FCRL1: variants seen among roughly 807,000 people sequenced by gnomAD.
FCRL1 encodes Fc receptor like 1.
A neutral mutation model predicts 49.2 loss-of-function variants in FCRL1; 34 were observed. That is an observed-to-expected ratio of 0.69 (90% CI 0.53 to 0.92). The LOEUF is 0.92. FCRL1 is among the 40% of genes least tolerant of loss of function. FCRL1 has a pLI of 0.00. For synonymous variants in FCRL1, 218 were observed against 201.6 expected, an observed-to-expected ratio of 1.08 and a Z score of -0.69; for missense variants, 524 against 524.1, an observed-to-expected ratio of 1.00 and a Z score of 0.00.
chr1:157,800,540 A>T (rs1486112492), intron 6 of FCRL1, among the ~76,000 whole-genome samples: 1 of 152,228 alleles, frequency 6.6e-6, no homozygotes, highest in Non-Finnish European at 1.5e-5. Flanking sequence ...CAACTTCCTC[A>T]GTGAAGAGAA....
At chr1:157,812,254 G>A (rs1654431619) in intron 1 of FCRL1, among the ~76,000 whole-genome samples, 1 of 152,164 alleles carries the variant, frequency 6.6e-6, no homozygotes, top group African/African-American at 2.4e-5. Context: ...CATTTCCTTG[G>A]TGTGATGGTG....
intron 1 of FCRL1, among the ~76,000 whole-genome samples, chr1:157,816,308 G>T (rs1022809507): frequency 2.0e-5 from 3 of 151,796 alleles, no homozygotes; most frequent in Non-Finnish European, 3.0e-5. Flanking sequence ...CAGATCAATA[G>T]AAATGATACA....
chr1:157,815,836 A>C (rs1407773104), intron 1 of FCRL1, among the ~76,000 whole-genome samples: 1 of 151,884 alleles, frequency 6.6e-6, no homozygotes, highest in Non-Finnish European at 1.5e-5. Context: ...TTATATGCAA[A>C]CAAGTTGGTA....
At chr1:157,797,635 A>G in intron 9 of FCRL1, 2 of 1,080,262 alleles carry the variant, frequency 1.9e-6, no homozygotes, top group South Asian at 1.4e-5. Context: ...CTAAGTGACT[A>G]TAATTTAAGA....
chr1:157,815,598 A>G (rs191183512), intron 1 of FCRL1, among the ~76,000 whole-genome samples: 3 of 152,066 alleles, frequency 2.0e-5, no homozygotes, highest in Admixed American at 2.0e-4. Flanking sequence ...GAAGGAAACA[A>G]TAAAGACTGT....
In FCRL1 at chr1:157,806,415, A is replaced by G. The variant is rs1327258325; in HGVS notation, c.52+687T>C. ...CACAAGATAGCAATTTTTACATTTT[A>G]TCATTGAGCTTGATCTAGTGAAGAG... On this transcript the variant is annotated intron_variant, in intron 2 of 10. Transcript: ENST00000368176. 2.6e-5 allele frequency among the ~76,000 whole-genome samples: 4 copies of G among 152,160 alleles called. No individual in the cohort carries two copies. In the East Asian group the frequency reaches 5.8e-4, roughly 22 times the overall value.
chr1:157,807,606 A>G (rs768948899), intron 1 of FCRL1, among the ~76,000 whole-genome samples: 24 of 152,224 alleles, frequency 1.6e-4, no homozygotes, highest in Non-Finnish European at 3.1e-4. Flanking sequence ...GAGAGTGCAC[A>G]GCCTCATACT....
intron 7 of FCRL1, among the ~76,000 whole-genome samples, chr1:157,799,033 C>T (rs1449374228): frequency 6.6e-6 from 1 of 152,136 alleles, no homozygotes; most frequent in Admixed American, 6.5e-5. Flanking sequence ...CAGAGTCTTG[C>T]TCTGTCACCC....
chr1:157,804,633 C>G (rs995599633), intron 2 of FCRL1, among the ~76,000 whole-genome samples: 3 of 152,098 alleles, frequency 2.0e-5, no homozygotes, highest in African/African-American at 7.2e-5. Context: ...CCAGGAAAGA[C>G]GTAGAAGAAC....
intron 9 of FCRL1, 101 bp downstream of exon 9, chr1:157,797,767 G>A: frequency 6.2e-7 from 1 of 1,601,032 alleles, no homozygotes; most frequent in Non-Finnish European, 8.5e-7. Context: ...ACAGCCTTCT[G>A]CTCTGAGGAA....
intron 7 of FCRL1, 150 bp downstream of exon 7, chr1:157,799,908 A>G (rs537768287): frequency 9.0e-5 from 41 of 457,260 alleles, no homozygotes; most frequent in Non-Finnish European, 1.5e-4. Flanking sequence ...GTGACAATGA[A>G]TTGTTCAAAG....
At chr1:157,805,308 C>G (rs1023537813) in intron 2 of FCRL1, among the ~76,000 whole-genome samples, 2 of 152,208 alleles carry the variant, frequency 1.3e-5, no homozygotes, top group African/African-American at 4.8e-5. Context: ...GCCTCTGCCC[C>G]TTGAAAAATA....
chr1:157,801,547 G>T lies in FCRL1; in HGVS notation c.917C>A (p.Thr306Asn), dbSNP rs1208410699. The T allele has an allele frequency of 6.2e-7, 1 of 1,613,808 alleles. No homozygotes were observed. Among genetic ancestry groups the T allele is most frequent in the Non-Finnish European group, 8.5e-7 (1 of 1,179,912 alleles). ...GAGCAGCCCCTCAATGACTCCTGAG[G>T]TAAGATGATTGCTTCTGGCCCCAGT... ...VPTGARSNHL[T>N]SGVIEGLLST... is the part of the protein sequence containing the mutation. The change falls in exon 6 of 11, where the codon ACC (threonine) becomes AAC (asparagine). Residue 306 changes from threonine (T) to asparagine (N), a missense_variant. Physicochemically the swap from Thr to Asn is moderately conservative, Grantham distance 65. Coordinates refer to ENST00000368176, the MANE Select transcript of FCRL1 (RefSeq NM_052938.5).
At chr1:157,804,346 A>C in intron 2 of FCRL1, 1 of 487,334 alleles carries the variant, frequency 2.1e-6, no homozygotes, top group Non-Finnish European at 3.6e-6. Context: ...TCAGAAAGTA[A>C]CTCTTACCTT....
chr1:157,811,840 C>A (rs1654359093), intron 1 of FCRL1, among the ~76,000 whole-genome samples: 1 of 152,198 alleles, frequency 6.6e-6, no homozygotes. Flanking sequence ...AGGAATCACT[C>A]CATTTTCTCC....
chr1:157,818,569 G>A (rs1655363994), intron 1 of FCRL1, among the ~76,000 whole-genome samples: 1 of 152,074 alleles, frequency 6.6e-6, no homozygotes, highest in Non-Finnish European at 1.5e-5. Flanking sequence ...GATATGGGGT[G>A]TGTGTCCAGA....
intron 1 of FCRL1, among the ~76,000 whole-genome samples, chr1:157,807,976 TTG>T (rs1447152016): frequency 1.3e-5 from 2 of 152,226 alleles, no homozygotes; most frequent in African/African-American, 4.8e-5. Flanking sequence ...TCAGTAAATA[TTG>T]TGTCATTACT....
chr1:157,807,630 C>T (rs1194081170), intron 1 of FCRL1, among the ~76,000 whole-genome samples: 3 of 152,162 alleles, frequency 2.0e-5, no homozygotes, highest in Admixed American at 6.5e-5. Flanking sequence ...GGCATAGAGA[C>T]CCTTTGTTTA....
chr1:157,808,889 T>C (rs1653875512), intron 1 of FCRL1, among the ~76,000 whole-genome samples: 2 of 120,476 alleles, frequency 1.7e-5, no homozygotes, highest in Admixed American at 1.6e-4. Context: ...GAATTAAGTA[T>C]GACTCTTAGA....
Sources: gnomAD v4.1 joint callset for allele counts (sites outside exome capture counted in the v4.1 genomes callset) on GRCh38, gnomAD v4.1.1 for gene constraint, MANE v1.5 for transcripts, NCBI Gene and HGNC (gene_info 2026-07-23, HGNC 2026-07-21) for gene names.